The following UBA3 variants were observed in gnomAD, a reference collection of about 807,000 sequenced individuals.
UBA3 encodes the protein ubiquitin like modifier activating enzyme 3.
A neutral mutation model predicts 73.5 loss-of-function variants in UBA3; 26 were observed. The ratio of observed to expected loss-of-function variants is 0.35; its 90% confidence interval spans 0.26 to 0.49. UBA3 has a LOEUF of 0.49. Ranked by LOEUF, UBA3 falls within the 20% of genes least tolerant of loss-of-function variation. UBA3 has a pLI of 0.98. For synonymous variants in UBA3, 217 were observed against 191.2 expected (o/e 1.13, Z -1.11); for missense variants, 495 against 555.6 (o/e 0.89, Z 1.10).
intron 2 of UBA3, 141 bp downstream of exon 2, chr3:69,079,971 A>C: frequency 1.4e-6 from 1 of 705,002 alleles, no homozygotes; most frequent in Non-Finnish European, 2.3e-6. Flanking sequence ...CGGGGCGGGG[A>C]TCAGGGGATG....
intron 9 of UBA3, 142 bp downstream of exon 9, chr3:69,062,840 A>T: frequency 2.9e-6 from 3 of 1,033,276 alleles, no homozygotes; most frequent in Non-Finnish European, 4.2e-6. Flanking sequence ...GCAGAATTTC[A>T]TATTTTATCT....
chr3:69,055,650 A>G (rs1273249986), intron 17 of UBA3, 125 bp from the exon 18 acceptor site: 1 of 890,906 alleles, frequency 1.1e-6, no homozygotes, highest in African/African-American at 1.7e-5. Context: ...TCTTTAATCA[A>G]AGTAATATTT....
chr3:69,067,636 A>G (rs997184696), intron 6 of UBA3, among the ~76,000 whole-genome samples: 1 of 152,204 alleles, frequency 6.6e-6, no homozygotes, highest in African/African-American at 2.4e-5. Flanking sequence ...CTAGTAAAGG[A>G]GATATGTAAT....
chr3:69,078,380 A>G (rs1559648886), intron 2 of UBA3, among the ~76,000 whole-genome samples: 1 of 152,258 alleles, frequency 6.6e-6, no homozygotes, highest in African/African-American at 2.4e-5. Context: ...TGCAAATTTA[A>G]TATTTATGTG....
At chr3:69,064,904 TAC>T (rs1258275864) in intron 6 of UBA3, among the ~76,000 whole-genome samples, 2 of 152,098 alleles carry the variant, frequency 1.3e-5, no homozygotes, top group Admixed American at 1.3e-4. Flanking sequence ...TTAAAAGCAA[TAC>T]AGAGAAAAAA....
intron 6 of UBA3, among the ~76,000 whole-genome samples, chr3:69,067,207 A>C (rs959610904): frequency 3.9e-5 from 6 of 152,168 alleles, no homozygotes; most frequent in Admixed American, 1.3e-4. Flanking sequence ...AAGATGGACT[A>C]TCTCTCCATT....
intron 2 of UBA3, among the ~76,000 whole-genome samples, chr3:69,078,766 C>T (rs1046996852): frequency 3.3e-5 from 5 of 152,186 alleles, no homozygotes; most frequent in Non-Finnish European, 5.9e-5. Flanking sequence ...AGCCACCGAA[C>T]CTGGCAGAGG....
In UBA3 at chr3:69,055,391, C is replaced by A; in HGVS notation, c.*46G>T. 1 of 1,272,224 alleles carries A rather than the reference C, an allele frequency of 7.9e-7. No homozygotes were observed. The allele number at this position is 1,272,224 out of a possible 1,614,324, so 78.8% of individuals were successfully genotyped here. A position where few individuals can be genotyped will look rare whatever the true frequency, so the allele number is the denominator to read the frequency against. ...CATCGATTCAACTTCTTAGCATCCA[C>A]AAAGTATATTATTTCCATGAGTTTT... On this transcript the variant is annotated 3_prime_UTR_variant, in exon 18 of 18. Coordinates refer to ENST00000361055, the MANE Select transcript of UBA3 (RefSeq NM_003968.4).
At chr3:69,055,757 G>A in intron 17 of UBA3, 94 bp downstream of exon 17, 1 of 1,203,962 alleles carries the variant, frequency 8.3e-7, no homozygotes, top group Non-Finnish European at 1.2e-6. Context: ...CATATACAAG[G>A]CATTAAGAGG....
chr3:69,070,652 T>C (rs557342453), intron 5 of UBA3, among the ~76,000 whole-genome samples: 1 of 152,196 alleles, frequency 6.6e-6, no homozygotes, highest in Non-Finnish European at 1.5e-5. Flanking sequence ...GTTTTTTGGG[T>C]TGTTTTGTTT....
intron 7 of UBA3, 28 bp from the exon 8 acceptor site, chr3:69,063,531 G>C: frequency 6.7e-7 from 1 of 1,502,854 alleles, no homozygotes; most frequent in Non-Finnish European, 9.0e-7. Context: ...AGCAACTTTA[G>C]TTTTTAAATA....
chr3:69,056,007 T>G lies in UBA3; in HGVS notation c.1241A>C (p.Tyr414Ser), dbSNP rs1156908927. ...AAAATACACATTGATAACCTGTAAG[T>G]AAAGTGTTCTATTTTTTCCCTCTAG... Reference protein sequence around the residue: ...ATLEGKNRTLYLQSVTSIEER... With the variant: ...ATLEGKNRTLSLQSVTSIEER... Residue 414 changes from tyrosine to serine, a missense_variant, in exon 16 of 18, where the codon TAC (tyrosine) becomes TCC (serine). By Grantham distance (144) the Tyr-to-Ser change is moderately radical (BLOSUM62 -2). Coordinates refer to ENST00000361055, the MANE Select transcript of UBA3 (RefSeq NM_003968.4). 1.9e-6 allele frequency: 3 copies of G among 1,605,984 alleles called. No homozygotes were observed. The highest frequency in any genetic ancestry group is 2.5e-6 in the Non-Finnish European group (3 of 1,177,588).
chr3:69,058,310 G>A (rs1439518612), intron 11 of UBA3, among the ~76,000 whole-genome samples: 2 of 152,070 alleles, frequency 1.3e-5, no homozygotes, highest in Non-Finnish European at 2.9e-5. Flanking sequence ...AACTATATTT[G>A]AATTGTTCAT....
In UBA3 at chr3:69,055,925, T is replaced by C; in HGVS notation, c.1249-20A>G. The C allele has an allele frequency of 1.9e-6, 3 of 1,609,228 alleles. No homozygotes were observed. The highest frequency in any genetic ancestry group is 2.5e-6 in the Non-Finnish European group (3 of 1,177,570). The stretch of plus-strand genomic sequence containing the variant: ...TACCGACTAGAAAACAAAATTACTT[T>C]AATGTAAGACACATTAAAGTAAAAT... On this transcript the variant is annotated intron_variant, in intron 16 of 17. Coordinates refer to ENST00000361055, the MANE Select transcript of UBA3 (RefSeq NM_003968.4).
intron 3 of UBA3, among the ~76,000 whole-genome samples, chr3:69,077,061 GTGTGT>G (rs1244803527): frequency 6.7e-6 from 1 of 150,306 alleles, no homozygotes; most frequent in Admixed American, 6.6e-5. Context: ...AGAAAATATG[GTGTGT>G]TATCTAAAGA....
chr3:69,057,945 A>G (rs986436434), intron 11 of UBA3, among the ~76,000 whole-genome samples: 5 of 15,954 alleles, frequency 3.1e-4, no homozygotes, highest in African/African-American at 1.1e-3. Flanking sequence ...TTTTTTTTTG[A>G]GACAGAGTCT....
chr3:69,080,306 G>T, intron 1 of UBA3, 28 bp downstream of exon 1: 1 of 1,603,740 alleles, frequency 6.2e-7, no homozygotes, highest in Non-Finnish European at 8.5e-7. Context: ...AGCCCAGCCC[G>T]GCGCGTCTGC....
Position 69,068,015 on chromosome 3 carries a change from GA to G in UBA3, c.348-8del. The G allele has an allele frequency of 1.3e-6, 2 of 1,531,380 alleles. No individual in the cohort carries two copies. The highest frequency in any genetic ancestry group is 1.8e-6 in the Non-Finnish European group (2 of 1,133,614). 94.9% of individuals were successfully genotyped at this position (1,531,380 alleles called of 1,614,324 possible). A position where few individuals can be genotyped will look rare whatever the true frequency, so the allele number is the denominator to read the frequency against. On this transcript the variant is annotated splice_region_variant and splice_polypyrimidine_tract_variant and intron_variant, in intron 5 of 17. Transcript: ENST00000361055. ...TCTTCCAATATCTTTAGGCCTACAGGAAAAATATTTAAATTATAATTCATAT... is the reference window on the plus strand; with the variant it reads ...TCTTCCAATATCTTTAGGCCTACAGGAAAATATTTAAATTATAATTCATAT...
intron 5 of UBA3, 35 bp downstream of exon 5, chr3:69,071,500 T>TA (rs760825948): frequency 6.4e-5 from 78 of 1,221,168 alleles, no homozygotes; most frequent in Non-Finnish European, 8.6e-5. Flanking sequence ...TATCAGAGCT[T>TA]AAAAAAAGAA....
Sources: gnomAD v4.1 joint callset for allele counts (sites outside exome capture counted in the v4.1 genomes callset) on GRCh38, gnomAD v4.1.1 for gene constraint, MANE v1.5 for transcripts, NCBI Gene and HGNC (gene_info 2026-07-23, HGNC 2026-07-21) for gene names.